The following INSL6 variants were observed in gnomAD, a reference collection of about 807,000 sequenced individuals.
INSL6 encodes the protein insulin-like peptide INSL6.
A neutral mutation model predicts 9.4 loss-of-function variants in INSL6; 16 were observed. The observed-to-expected ratio is 1.70, with a 90% CI of 1.15 to 2.59. The LOEUF (loss-of-function observed/expected upper bound fraction) is 2.59, where lower values mean the gene tolerates loss of function less well. Ranked by LOEUF, INSL6 falls within the 30% of genes most tolerant of loss-of-function variation. The pLI is 0.00. For missense variants in INSL6, 391 were observed against 257.3 expected, an observed-to-expected ratio of 1.52 and a Z score of -3.56; for synonymous variants, 154 against 96.9, an observed-to-expected ratio of 1.59 and a Z score of -3.46.
chr9:5,172,823 G>T (rs1825213780), intron 1 of INSL6, among the ~76,000 whole-genome samples: 1 of 151,994 alleles, frequency 6.6e-6, no homozygotes, highest in South Asian at 2.1e-4. Context: ...AGGTACTCGA[G>T]AGGCTGAGGC....
At chr9:5,019,920 G>T in the INSL6 span, among the ~76,000 whole-genome samples, 2 of 152,226 alleles carry the variant, frequency 1.3e-5, no homozygotes, top group Non-Finnish European at 1.5e-5. Flanking sequence ...GTCCTCAGTT[G>T]TGGCAGCAGT....
chr9:5,099,439 TATC>T, the INSL6 span: 1 of 152,216 alleles, frequency 6.6e-6, no homozygotes, highest in Non-Finnish European at 1.5e-5. Flanking sequence ...GATCCATTAT[TATC>T]CTGTCAATAA....
chr9:5,146,886 G>A (rs1048051132), intron 2 of INSL6, among the ~76,000 whole-genome samples: 1 of 152,130 alleles, frequency 6.6e-6, no homozygotes, highest in African/African-American at 2.4e-5. Context: ...AAAAGCTATG[G>A]TGTGGGCCTC....
chr9:5,072,730 T>G, the INSL6 span: 1 of 840,928 alleles, frequency 1.2e-6, no homozygotes, highest in Non-Finnish European at 1.7e-6. Context: ...AATTGTAATT[T>G]TTAAATGTGT....
At chr9:5,089,814 C>A in the INSL6 span, 45 of 1,593,064 alleles carry the variant, frequency 2.8e-5, no homozygotes, top group African/African-American at 5.6e-4. Flanking sequence ...TCCTGAAATC[C>A]CTACAGCATG....
At chr9:5,132,041 A>G (rs958825220) in intron 3 of INSL6, 4 of 152,150 alleles carry the variant, frequency 2.6e-5, no homozygotes, top group Non-Finnish European at 5.9e-5. Flanking sequence ...TGTTGAATAG[A>G]AATTCTTGGT....
chr9:5,028,751 G>C, the INSL6 span, among the ~76,000 whole-genome samples: 1 of 152,296 alleles, frequency 6.6e-6, no homozygotes, highest in South Asian at 2.1e-4. Context: ...TAAACCTCAT[G>C]AACCAGCCTC....
At chr9:5,027,588 G>C in the INSL6 span, among the ~76,000 whole-genome samples, 3 of 152,156 alleles carry the variant, frequency 2.0e-5, no homozygotes, top group Admixed American at 6.5e-5. Flanking sequence ...TTTCGTGAAA[G>C]ATGTCTCTGT....
the INSL6 span, among the ~76,000 whole-genome samples, chr9:5,076,563 T>C: frequency 2.0e-5 from 3 of 152,304 alleles, no homozygotes; most frequent in Non-Finnish European, 4.4e-5. Context: ...GCACACTAAA[T>C]AGACTCCATT....
At chr9:5,106,914 G>C in the INSL6 span, among the ~76,000 whole-genome samples, 1 of 152,142 alleles carries the variant, frequency 6.6e-6, no homozygotes, top group East Asian at 1.9e-4. Flanking sequence ...ATAGCATTAG[G>C]AGAAATACCT....
chr9:5,054,641 C>G, the INSL6 span: 1 of 1,613,024 alleles, frequency 6.2e-7, no homozygotes, highest in Non-Finnish European at 8.5e-7. This position sits in a 1 kb window ranked among gnomAD's most constrained non-coding sequence, Gnocchi z 4.9. Context: ...GAATAAGGTA[C>G]AGATTTCGCA....
chr9:5,044,351 GT>G, the INSL6 span: 1 of 1,109,974 alleles, frequency 9.0e-7, no homozygotes, highest in Non-Finnish European at 1.4e-6. Flanking sequence ...TAGATAGTAC[GT>G]TTGTATTTGA....
chr9:5,027,525 T>C, the INSL6 span, among the ~76,000 whole-genome samples: 2 of 152,198 alleles, frequency 1.3e-5, no homozygotes, highest in Non-Finnish European at 2.9e-5. Context: ...TGGGTGGCTA[T>C]GGCAATATCT....
chr9:5,073,173 C>G, the INSL6 span, among the ~76,000 whole-genome samples: 1 of 152,172 alleles, frequency 6.6e-6, no homozygotes, highest in African/African-American at 2.4e-5. Context: ...TTGTTCTAAT[C>G]CAGAATACCA....
chr9:5,079,959 T>C, the INSL6 span, among the ~76,000 whole-genome samples: 1 of 152,250 alleles, frequency 6.6e-6, no homozygotes, highest in East Asian at 1.9e-4. Flanking sequence ...CTGTCTCTGC[T>C]GCTAACAAAT....
chr9:5,057,364 G>A, the INSL6 span, among the ~76,000 whole-genome samples: 2 of 151,332 alleles, frequency 1.3e-5, no homozygotes, highest in Non-Finnish European at 2.9e-5. Flanking sequence ...CTTCATTCTG[G>A]CATTTATTTC....
the INSL6 span, among the ~76,000 whole-genome samples, chr9:5,084,534 A>G: frequency 1.3e-5 from 2 of 152,156 alleles, no homozygotes; most frequent in Admixed American, 6.5e-5. Flanking sequence ...AAATAATGGT[A>G]TATTTTTTTA....
chr9:5,028,525 T>C, the INSL6 span, among the ~76,000 whole-genome samples: 1 of 152,210 alleles, frequency 6.6e-6, no homozygotes, highest in Non-Finnish European at 1.5e-5. Flanking sequence ...AGTCATTCAG[T>C]TCTTTGAAAC....
At chr9:5,170,869 G>T (rs1468027305) in intron 1 of INSL6, among the ~76,000 whole-genome samples, 1 of 152,028 alleles carries the variant, frequency 6.6e-6, no homozygotes, top group African/African-American at 2.4e-5. Context: ...ACCAAAAAAA[G>T]CCCAGGACCA....
Sources: allele counts gnomAD v4.1 joint callset (sites outside exome capture counted in the v4.1 genomes callset), GRCh38; gene constraint gnomAD v4.1.1; non-coding constraint Gnocchi (gnomAD v3.1); transcripts MANE v1.5; gene names NCBI Gene and HGNC (gene_info 2026-07-23, HGNC 2026-07-21).